ADAMTS9: variants seen among roughly 807,000 people sequenced by gnomAD.
ADAMTS9 encodes the protein ADAM metallopeptidase with thrombospondin type 1 motif 9, also known as A disintegrin and metalloproteinase with thrombospondin motifs 9.
In ADAMTS9, 107 loss-of-function variants were observed where a neutral mutation model predicts 257.1. The observed-to-expected ratio is 0.42, with a 90% CI of 0.36 to 0.49. The LOEUF is 0.49. ADAMTS9 is among the 20% of genes least tolerant of loss of function. The pLI, the probability that ADAMTS9 is intolerant of heterozygous loss-of-function variation, is 0.03. For synonymous variants in ADAMTS9, 982 were observed against 880.9 expected (o/e 1.11, Z -2.03); for missense variants, 2,353 against 2,469.1 (o/e 0.95, Z 1.00).
chr3:64,579,810 T>A (rs1247023426), intron 28 of ADAMTS9, among the ~76,000 whole-genome samples: 1 of 152,202 alleles, frequency 6.6e-6, no homozygotes, highest in Non-Finnish European at 1.5e-5. Flanking sequence ...GTCTCTTATA[T>A]CCATTCAGTC....
intron 28 of ADAMTS9, among the ~76,000 whole-genome samples, chr3:64,585,330 G>T (rs2084119541): frequency 6.6e-6 from 1 of 152,078 alleles, no homozygotes; most frequent in Non-Finnish European, 1.5e-5. Flanking sequence ...CCTGCCACAT[G>T]GACTAAGGAA....
In ADAMTS9 at chr3:64,539,203, C is replaced by T; in HGVS notation, c.5613G>A (p.Gln1871=). Reference sequence around the variant, plus strand: ...AAGGGGGAAGGCACCAAGGACATACCTGTGGGCACTTGGCAGCGCTGTAGC... The same window carrying T: ...AAGGGGGAAGGCACCAAGGACATACTTGTGGGCACTTGGCAGCGCTGTAGC... ...GDCYSAAKCP[Q]GRFSINLYGT... is the part of the protein sequence containing the mutation. The change falls in exon 37 of 40, where the codon CAG becomes CAA. Residue 1871 remains glutamine, a splice_region_variant and synonymous_variant. Transcript: ENST00000498707. 2 of 1,612,974 alleles carry T rather than the reference C, an allele frequency of 1.2e-6. No individual in the cohort carries two copies. The highest frequency in any genetic ancestry group is 1.7e-6 in the Non-Finnish European group (2 of 1,178,948).
chr3:64,670,620 C>G (rs1282260516), intron 3 of ADAMTS9, among the ~76,000 whole-genome samples: 1 of 152,152 alleles, frequency 6.6e-6, no homozygotes, highest in African/African-American at 2.4e-5. Flanking sequence ...AAAACTATAT[C>G]TGACAAAGGA....
chr3:64,550,248 T>C (rs2083254684), intron 31 of ADAMTS9: 2 of 152,248 alleles, frequency 1.3e-5, no homozygotes, highest in South Asian at 2.1e-4. Context: ...TCGGATATTA[T>C]AGAAAATTAT....
chr3:64,542,326 A>G (rs907821497), intron 32 of ADAMTS9, among the ~76,000 whole-genome samples: 1 of 152,092 alleles, frequency 6.6e-6, no homozygotes, highest in Non-Finnish European at 1.5e-5. Context: ...TTGGGGCTCA[A>G]ATTTAAGGAA....
Position 64,598,780 on chromosome 3 carries a change from C to T in ADAMTS9, c.4018-1789G>A, listed in dbSNP as rs118077249. On this transcript the variant is annotated intron_variant, in intron 26 of 39. Coordinates refer to ENST00000498707, the MANE Select transcript of ADAMTS9 (RefSeq NM_182920.2). ...ATCTATATCTTGGTCCTCGAGTTTT[C>T]TCCTTGATAATATAATCTTGTATCA... Among the ~76,000 whole-genome samples the T allele has an allele frequency of 2.2e-3, 334 of 152,216 alleles. 6 individuals carry two copies. In the East Asian group the frequency reaches 0.043, roughly 20 times the overall value.
intron 27 of ADAMTS9, among the ~76,000 whole-genome samples, chr3:64,595,649 T>C (rs896749104): frequency 6.6e-6 from 1 of 152,192 alleles, no homozygotes; most frequent in South Asian, 2.1e-4. Flanking sequence ...CTCTCCAGAA[T>C]GACATAACTG....
chr3:64,609,054 T>C (rs1335970159), intron 22 of ADAMTS9, among the ~76,000 whole-genome samples: 1 of 151,890 alleles, frequency 6.6e-6, no homozygotes, highest in Non-Finnish European at 1.5e-5. Flanking sequence ...GAAAACCATA[T>C]GACAAAATTC....
At chr3:64,646,001 G>A (rs1700776751) in intron 11 of ADAMTS9, among the ~76,000 whole-genome samples, 1 of 152,202 alleles carries the variant, frequency 6.6e-6, no homozygotes, top group African/African-American at 2.4e-5. Flanking sequence ...ACTGCTATCT[G>A]GAGCTTGACA....
intron 38 of ADAMTS9, chr3:64,522,528 A>C: frequency 3.4e-6 from 1 of 292,296 alleles, no homozygotes; most frequent in Non-Finnish European, 6.4e-6. Context: ...ACCAAAAATT[A>C]CATTTCTTGA....
intron 38 of ADAMTS9, among the ~76,000 whole-genome samples, chr3:64,530,453 G>A (rs11720175): frequency 0.74 from 111,246 of 150,088 alleles, 43,247 homozygotes; most frequent in Non-Finnish European, 0.86. Flanking sequence ...AGATATTCAT[G>A]AGGAGTACTC....
Position 64,538,117 on chromosome 3 carries a change from C to T in ADAMTS9, c.5613+1086G>A, listed in dbSNP as rs555707888. On this transcript the variant is annotated intron_variant, in intron 37 of 39. Coordinates refer to ENST00000498707, the MANE Select transcript of ADAMTS9 (RefSeq NM_182920.2). ...TAGGGGTAACAGGTTGAGTCAATGA[C>T]ATCCACAGAGCCGCAAGCCTTGGTC... 2.6e-5 allele frequency among the ~76,000 whole-genome samples: 4 copies of T among 152,318 alleles called. No homozygotes were observed. In the South Asian group the frequency reaches 8.3e-4, roughly 32 times the overall value.
intron 32 of ADAMTS9, 87 bp from the exon 33 acceptor site, chr3:64,542,057 C>G: frequency 6.5e-7 from 1 of 1,546,786 alleles, no homozygotes; most frequent in South Asian, 1.2e-5. Context: ...GCCCTGATGT[C>G]ATCATGTACA....
chr3:64,527,911 CAT>C (rs1201735451), intron 38 of ADAMTS9, among the ~76,000 whole-genome samples: 2 of 152,184 alleles, frequency 1.3e-5, no homozygotes, highest in African/African-American at 4.8e-5. Flanking sequence ...TGTGTGTACA[CAT>C]GTGTGTTTAT....
At position 64,631,516 on chromosome 3, in the gene ADAMTS9, A is replaced by G; in HGVS notation, c.2328T>C (p.Ala776=). 6.2e-7 allele frequency: 1 copy of G among 1,614,122 alleles called. No individual in the cohort carries two copies. Among genetic ancestry groups the G allele is most frequent in the Non-Finnish European group, 8.5e-7 (1 of 1,179,944 alleles). ...TGTGCTGCCGCACATCAATATTGGT[A>G]GCACCAGCTGGAATTCGGACCACAG... ...YNTVVRIPAG[A]TNIDVRQHSF... is the part of the protein sequence containing the mutation. Residue 776 remains alanine (A), a synonymous_variant, in exon 16 of 40, where the codon GCT becomes GCC. Coordinates refer to ENST00000498707, the MANE Select transcript of ADAMTS9 (RefSeq NM_182920.2).
chr3:64,550,146 G>A (rs1038916177), intron 31 of ADAMTS9: 1 of 152,122 alleles, frequency 6.6e-6, no homozygotes, highest in African/African-American at 2.4e-5. Context: ...ATATAATCAT[G>A]CTATGATTAC....
At chr3:64,560,643 C>T (rs1008511758) in intron 30 of ADAMTS9, among the ~76,000 whole-genome samples, 1 of 152,068 alleles carries the variant, frequency 6.6e-6, no homozygotes, top group African/African-American at 2.4e-5. Context: ...TAATGCTCAC[C>T]TTGTCTGGTG....
intron 32 of ADAMTS9, among the ~76,000 whole-genome samples, chr3:64,543,689 T>C (rs776077794): frequency 2.6e-5 from 4 of 152,190 alleles, no homozygotes; most frequent in Admixed American, 6.5e-5. Context: ...CTGGAAGCAT[T>C]CCCTTTGAAA....
At position 64,654,409 on chromosome 3, in the gene ADAMTS9, A is replaced by G. The variant is rs1407602602; in HGVS notation, c.1260T>C (p.Ile420=). The part of the protein sequence containing the change: ...TICDPYRSCS[I]SEDSGLSTAF... ...CTGTACTCAATCCACTATCTTCACT[A>G]ATAGAACAGCTTCTATAGGGATCAC... The change falls in exon 8 of 40, where the codon ATT becomes ATC. Residue 420 remains isoleucine (I), a synonymous_variant. Transcript: ENST00000498707. The G allele has an allele frequency of 1.9e-6, 3 of 1,614,174 alleles. No homozygotes were observed. The highest frequency in any genetic ancestry group is 1.7e-5 in the Admixed American group (1 of 60,026).
Sources: gnomAD v4.1 joint callset for allele counts (sites outside exome capture counted in the v4.1 genomes callset) on GRCh38, gnomAD v4.1.1 for gene constraint, MANE v1.5 for transcripts, NCBI Gene and HGNC (gene_info 2026-07-23, HGNC 2026-07-21) for gene names.